SHANK2: variants seen among roughly 807,000 people sequenced by gnomAD.
SHANK2 encodes the protein SH3 and multiple ankyrin repeat domains protein 2.
SHANK2 carries 43 observed loss-of-function variants against 133.7 expected under a neutral mutation model. The observed-to-expected ratio is 0.32, with a 90% confidence interval of 0.25 to 0.41. SHANK2 has a LOEUF of 0.41. Among genes scored for constraint, SHANK2 ranks in the 10% least tolerant of loss-of-function variants. SHANK2 has a pLI of 1.00. For missense variants in SHANK2, 1,994 were observed against 2,235.8 expected, an observed-to-expected ratio of 0.89 and a Z score of 2.18; for synonymous variants, 1,017 against 952.8, an observed-to-expected ratio of 1.07 and a Z score of -1.24.
intron 11 of SHANK2, among the ~76,000 whole-genome samples, chr11:70,873,792 A>G (rs17346526): frequency 0.052 from 7,811 of 151,506 alleles, 244 homozygotes; most frequent in Non-Finnish European, 0.077. Flanking sequence ...GTTTACAACG[A>G]TCTCATGGGA....
intron 10 of SHANK2, among the ~76,000 whole-genome samples, chr11:70,898,613 A>C (rs1404855203): frequency 6.6e-6 from 1 of 152,208 alleles, no homozygotes; most frequent in Admixed American, 6.5e-5. Flanking sequence ...GTGAGCGATA[A>C]AATCAGATAT....
intron 2 of SHANK2, among the ~76,000 whole-genome samples, chr11:71,193,077 A>G (rs561211530): frequency 6.4e-4 from 98 of 152,320 alleles, no homozygotes; most frequent in African/African-American, 2.2e-3. Flanking sequence ...TCCTCTCTTT[A>G]TTGCCATGTT....
chr11:71,061,101 C>T (rs1346175655), intron 9 of SHANK2, among the ~76,000 whole-genome samples: 1 of 152,266 alleles, frequency 6.6e-6, no homozygotes, highest in Non-Finnish European at 1.5e-5. Flanking sequence ...CCAGGGTCCA[C>T]ACTGTGGGAG....
chr11:70,496,572 G>A (rs1002143398), intron 21 of SHANK2, among the ~76,000 whole-genome samples: 1 of 152,212 alleles, frequency 6.6e-6, no homozygotes, highest in Non-Finnish European at 1.5e-5. Context: ...TGGAAGTTCT[G>A]GGCCGATCAT....
At chr11:70,861,288 C>G (rs1949254553) in intron 11 of SHANK2, among the ~76,000 whole-genome samples, 1 of 152,188 alleles carries the variant, frequency 6.6e-6, no homozygotes, top group Non-Finnish European at 1.5e-5. Context: ...AGTCTGTCCT[C>G]TTAAAAATGG....
chr11:70,515,812 A>C (rs575787692), intron 17 of SHANK2, among the ~76,000 whole-genome samples: 2 of 152,234 alleles, frequency 1.3e-5, no homozygotes, highest in South Asian at 4.1e-4. Flanking sequence ...ACCTGTCTCA[A>C]AAAAATTTTT....
chr11:71,183,864 G>A (rs1590997458), intron 2 of SHANK2, among the ~76,000 whole-genome samples: 1 of 152,312 alleles, frequency 6.6e-6, no homozygotes, highest in East Asian at 1.9e-4. Flanking sequence ...AAGTTTATTG[G>A]GGAGAGGGAA....
chr11:71,152,279 ATTT>A, intron 2 of SHANK2, among the ~76,000 whole-genome samples: 1 of 152,044 alleles, frequency 6.6e-6, no homozygotes, highest in Non-Finnish European at 1.5e-5. Context: ...TGCCTTGCGA[ATTT>A]TTTGTATTTT....
At chr11:70,646,816 TAACTTTTATTTATTTTATTTA>T (rs1393131896) in intron 17 of SHANK2, among the ~76,000 whole-genome samples, 2 of 127,344 alleles carry the variant, frequency 1.6e-5, no homozygotes, top group African/African-American at 6.5e-5. Flanking sequence ...AAAAGGAATC[TAACTTTTATTTATTTTATTTA>T]TTTATTTATT....
At chr11:70,748,581 C>T (rs1323828575) in intron 14 of SHANK2, among the ~76,000 whole-genome samples, 5 of 152,150 alleles carry the variant, frequency 3.3e-5, no homozygotes, top group Non-Finnish European at 5.9e-5. Context: ...CAACAGTCCA[C>T]CTTTAAAATA....
At chr11:71,225,121 C>G (rs186532831) in intron 1 of SHANK2, among the ~76,000 whole-genome samples, 8 of 152,266 alleles carry the variant, frequency 5.3e-5, no homozygotes, top group Admixed American at 1.3e-4. Flanking sequence ...CCCAGAAAAG[C>G]CAACAGGAGC....
chr11:70,524,086 A>G (rs755143820), intron 17 of SHANK2, among the ~76,000 whole-genome samples: 1 of 152,202 alleles, frequency 6.6e-6, no homozygotes, highest in Non-Finnish European at 1.5e-5. Context: ...AGGACTTCAC[A>G]TAGTTACACC....
At position 70,486,751 on chromosome 11, in the gene SHANK2, C is replaced by G. The variant is rs782667097; in HGVS notation, c.3542G>C (p.Gly1181Ala). 6.2e-7 allele frequency: 1 copy of G among 1,610,932 alleles called. No individual in the cohort carries two copies. The highest frequency in any genetic ancestry group is 1.1e-5 in the South Asian group (1 of 91,064). The part of the protein sequence containing the change: ...RPLNSTSKAQ[G>A]PESSPAVPSA... ...GGGCACTGCTGGGCTGCTCTCGGGC[C>G]CCTGGGCTTTGGACGTGGAATTCAG... Residue 1181 changes from glycine (G) to alanine (A), a missense_variant, in exon 25 of 26, where the codon GGG becomes GCG. Gly to Ala is a moderately conservative substitution (Grantham distance 60, BLOSUM62 0). Transcript: ENST00000601538. This position sits in a 1 kb window ranked among gnomAD's most constrained non-coding sequence, Gnocchi z 8.0.
At chr11:70,706,721 T>C (rs897644407) in intron 14 of SHANK2, among the ~76,000 whole-genome samples, 7 of 148,438 alleles carry the variant, frequency 4.7e-5, no homozygotes, top group Non-Finnish European at 7.4e-5. Flanking sequence ...TTTCTGAGTA[T>C]GGCCTAGAAA....
intron 17 of SHANK2, among the ~76,000 whole-genome samples, chr11:70,632,855 C>T (rs986923034): frequency 2.0e-5 from 3 of 152,294 alleles, no homozygotes; most frequent in African/African-American, 7.2e-5. Flanking sequence ...AGAGGGAGGA[C>T]AGAGGACAAG....
At chr11:70,701,975 CCAT>C (rs1945532263) in intron 14 of SHANK2, among the ~76,000 whole-genome samples, 1 of 150,096 alleles carries the variant, frequency 6.7e-6, no homozygotes, top group Non-Finnish European at 1.5e-5. Context: ...ATAATTACTG[CCAT>C]CATCACCATC....
intron 17 of SHANK2, chr11:70,630,990 C>T (rs189977337): frequency 6.6e-6 from 1 of 152,408 alleles, no homozygotes; most frequent in African/African-American, 2.4e-5. Context: ...GGGGACCGGA[C>T]AGGGAGCAAC....
intron 10 of SHANK2, among the ~76,000 whole-genome samples, chr11:70,934,356 G>A (rs1555083111): frequency 2.0e-5 from 3 of 151,488 alleles, no homozygotes; most frequent in Non-Finnish European, 1.5e-5. Context: ...ATGGAGGCCC[G>A]TGCAGCCGGC....
intron 11 of SHANK2, among the ~76,000 whole-genome samples, chr11:70,883,853 C>T (rs545367849): frequency 1.4e-3 from 210 of 152,216 alleles, no homozygotes; most frequent in African/African-American, 5.0e-3. Context: ...TGGCAGGGCA[C>T]GGAGGGAACA....
Sources: allele counts gnomAD v4.1 joint callset (sites outside exome capture counted in the v4.1 genomes callset), GRCh38; gene constraint gnomAD v4.1.1; non-coding constraint Gnocchi (gnomAD v3.1); transcripts MANE v1.5; gene names NCBI Gene and HGNC (gene_info 2026-07-23, HGNC 2026-07-21).